TBL1Y: variants seen among roughly 807,000 people sequenced by gnomAD.
TBL1Y encodes transducin beta like 1 Y-linked, also known as F-box-like/WD repeat-containing protein TBL1Y.
A neutral mutation model predicts 12.0 loss-of-function variants in TBL1Y; 15 were observed. That is an observed-to-expected ratio of 1.25 (90% confidence interval 0.83 to 1.92). TBL1Y has a LOEUF of 1.92. TBL1Y is among the 40% of genes most tolerant of loss of function. TBL1Y has a pLI of 0.00. For missense variants in TBL1Y, 148 were observed against 116.7 expected, an observed-to-expected ratio of 1.27 and a Z score of -1.24; for synonymous variants, 53 against 42.6, an observed-to-expected ratio of 1.24 and a Z score of -0.95.
At chrY:6,926,265 TTGAC>T (rs2011824128) in intron 2 of TBL1Y, among the ~76,000 whole-genome samples, 1 of 34,174 alleles carries the variant, frequency 2.9e-5, no homozygotes, top group African/African-American at 1.1e-4. Flanking sequence ...GCTTAAAACT[TTGAC>T]TGATAAGGTT....
chrY:6,966,888 G>A (rs2012172661), intron 2 of TBL1Y, among the ~76,000 whole-genome samples: 1 of 33,222 alleles, frequency 3.0e-5, no homozygotes, highest in Non-Finnish European at 7.4e-5. Flanking sequence ...TATAAAAATT[G>A]TGTGCCTTGT....
intron 3 of TBL1Y, among the ~76,000 whole-genome samples, chrY:6,988,526 G>A: frequency 1.3e-4 from 4 of 31,017 alleles, no homozygotes; most frequent in Non-Finnish European, 1.5e-4. Context: ...TGGGCGTGGA[G>A]GTGCGCGCCT....
At chrY:7,083,699 G>A (rs2013112035) in intron 14 of TBL1Y, among the ~76,000 whole-genome samples, 1 of 31,637 alleles carries the variant, frequency 3.2e-5, no homozygotes, top group Admixed American at 2.9e-4. Context: ...CTCTCCAACC[G>A]GTCTGCTGCA....
At chrY:6,992,405 C>T (rs985703634) in intron 3 of TBL1Y, among the ~76,000 whole-genome samples, 2 of 33,088 alleles carry the variant, frequency 6.0e-5, no homozygotes, top group Admixed American at 5.5e-4. Flanking sequence ...TGTATAAGGA[C>T]ACCAGTCATA....
chrY:7,089,629 A>G (rs2013161566), intron 17 of TBL1Y, among the ~76,000 whole-genome samples: 1 of 33,267 alleles, frequency 3.0e-5, no homozygotes, highest in Non-Finnish European at 7.4e-5. Flanking sequence ...CTTTTATACT[A>G]AATATACAAA....
intron 7 of TBL1Y, among the ~76,000 whole-genome samples, chrY:7,048,470 A>T (rs780831322): frequency 3.3e-3 from 109 of 33,183 alleles, no homozygotes; most frequent in African/African-American, 0.011. Flanking sequence ...CTTTTATTTT[A>T]AAAAAAAATT....
At chrY:7,062,325 T>G in intron 7 of TBL1Y, among the ~76,000 whole-genome samples, 1 of 34,069 alleles carries the variant, frequency 2.9e-5, no homozygotes, top group Non-Finnish European at 7.3e-5. Flanking sequence ...ACACTGGACT[T>G]TTAGCATTAA....
intron 4 of TBL1Y, among the ~76,000 whole-genome samples, chrY:7,000,163 C>A (rs993166116): frequency 3.1e-5 from 1 of 32,728 alleles, no homozygotes; most frequent in Non-Finnish European, 7.4e-5. Flanking sequence ...TGTGTGTGCC[C>A]ACACATTGCC....
intron 13 of TBL1Y, among the ~76,000 whole-genome samples, chrY:7,079,562 C>T (rs2013080509): frequency 8.9e-5 from 3 of 33,848 alleles, no homozygotes; most frequent in Admixed American, 8.0e-4. Context: ...TTCAGCTTTA[C>T]GTTGTTCTGA....
chrY:6,998,849 C>T, intron 4 of TBL1Y, among the ~76,000 whole-genome samples: 1 of 33,375 alleles, frequency 3.0e-5, no homozygotes, highest in Non-Finnish European at 7.4e-5. Flanking sequence ...TTCAAAAGAA[C>T]GAAACAATTG....
chrY:6,987,057 G>A (rs2012323665), intron 3 of TBL1Y, among the ~76,000 whole-genome samples: 5 of 33,045 alleles, frequency 1.5e-4, no homozygotes, highest in Non-Finnish European at 3.7e-4. Context: ...CTTGAGGTAT[G>A]GTTTTTGCTG....
intron 4 of TBL1Y, among the ~76,000 whole-genome samples, chrY:7,007,953 G>T (rs886370968): frequency 2.1e-4 from 7 of 33,646 alleles, no homozygotes; most frequent in African/African-American, 8.1e-4. Context: ...GCACAGAGAG[G>T]TTGAGTTATT....
chrY:7,023,754 T>G, intron 5 of TBL1Y, among the ~76,000 whole-genome samples: 1 of 33,510 alleles, frequency 3.0e-5, no homozygotes, highest in Non-Finnish European at 7.4e-5. Context: ...CTTTTTATTT[T>G]TATTTTAAGT....
At chrY:6,997,671 C>T (rs2012420731) in intron 4 of TBL1Y, among the ~76,000 whole-genome samples, 1 of 33,748 alleles carries the variant, frequency 3.0e-5, no homozygotes, top group Non-Finnish European at 7.3e-5. Context: ...CTAAAGACTA[C>T]CTTATGGTGG....
intron 3 of TBL1Y, among the ~76,000 whole-genome samples, chrY:6,992,667 C>A: frequency 3.0e-5 from 1 of 33,628 alleles, no homozygotes; most frequent in Non-Finnish European, 7.4e-5. Context: ...GGGTCTCTCT[C>A]AGCAGGGCAC....
chrY:6,913,492 C>G (rs2011712781), intron 2 of TBL1Y, among the ~76,000 whole-genome samples: 3 of 32,661 alleles, frequency 9.2e-5, no homozygotes, highest in Non-Finnish European at 2.2e-4. Flanking sequence ...TTCCAATGAC[C>G]TAGGTATGTT....
At chrY:6,922,804 C>T (rs930348614) in intron 2 of TBL1Y, among the ~76,000 whole-genome samples, 1 of 34,943 alleles carries the variant, frequency 2.9e-5, no homozygotes, top group Admixed American at 2.5e-4. Flanking sequence ...CCGGGCACTC[C>T]GGCAGCCCAG....
At chrY:6,964,376 T>C (rs2012152964) in intron 2 of TBL1Y, among the ~76,000 whole-genome samples, 1 of 33,927 alleles carries the variant, frequency 2.9e-5, no homozygotes, top group African/African-American at 1.1e-4. Flanking sequence ...CCTTGTCTGA[T>C]TGAACTAAAA....
chrY:7,060,208 C>G (rs2012851472), intron 7 of TBL1Y, among the ~76,000 whole-genome samples: 2 of 33,551 alleles, frequency 6.0e-5, no homozygotes, highest in African/African-American at 1.2e-4. Flanking sequence ...TCCTTATAAT[C>G]CTTTTACCAA....
Sources: gnomAD v4.1 joint callset for allele counts (sites outside exome capture counted in the v4.1 genomes callset) on GRCh38, gnomAD v4.1.1 for gene constraint, MANE v1.5 for transcripts, NCBI Gene and HGNC (gene_info 2026-07-23, HGNC 2026-07-21) for gene names.